ANKRD40: variants seen among roughly 807,000 people sequenced by gnomAD.
ANKRD40 encodes ankyrin repeat domain-containing protein 40.
In ANKRD40, 24 loss-of-function variants were observed where a neutral mutation model predicts 35.5. That is an observed-to-expected ratio of 0.68 (90% CI 0.49 to 0.95). The LOEUF (loss-of-function observed/expected upper bound fraction) is 0.95. Among genes scored for constraint, ANKRD40 ranks in the 40% least tolerant of loss-of-function variants. ANKRD40 has a pLI of 0.00. For missense variants in ANKRD40, 361 were observed against 436.0 expected, an observed-to-expected ratio of 0.83 and a Z score of 1.53; for synonymous variants, 147 against 173.5, an observed-to-expected ratio of 0.85 and a Z score of 1.20.
At chr17:50,702,571 C>T (rs1968284546) in intron 1 of ANKRD40, among the ~76,000 whole-genome samples, 1 of 152,118 alleles carries the variant, frequency 6.6e-6, no homozygotes, top group African/African-American at 2.4e-5. Flanking sequence ...TAAGTGAGCC[C>T]TCAAAAATGA....
Position 50,697,032 on chromosome 17 carries a change from G to T in ANKRD40, c.868C>A (p.Gln290Lys), listed in dbSNP as rs747530576. The change falls in exon 4 of 5, where the codon CAA (glutamine) becomes AAA (lysine). Residue 290 changes from glutamine to lysine, a missense_variant. Physicochemically the swap from Gln to Lys is moderately conservative, Grantham distance 53 (BLOSUM62 1). This residue lies in a region of ANKRD40 where 93 missense variants were observed against 129.6 expected (regional missense o/e 0.72). Transcript: ENST00000285243. ...IELDRQELTY[Q>K]ELLRVCCCEL... Reference sequence around the variant, plus strand: ...CAGCAACACACTCTGAGCAACTCTTGGTAGGTGAGCTCCTGTCGGTCCAGT... The same window carrying T: ...CAGCAACACACTCTGAGCAACTCTTTGTAGGTGAGCTCCTGTCGGTCCAGT... 8.9e-5 allele frequency: 143 copies of T among 1,613,978 alleles called. No homozygotes were observed. The highest frequency in any genetic ancestry group is 1.2e-4 in the Non-Finnish European group (137 of 1,180,010).
At chr17:50,696,885 G>A in intron 4 of ANKRD40, 55 bp downstream of exon 4, 5 of 1,484,476 alleles carry the variant, frequency 3.4e-6, no homozygotes, top group Non-Finnish European at 1.8e-6. Flanking sequence ...CCAAGGAGGG[G>A]GCTAGGTATT....
At position 50,704,230 on chromosome 17, in the gene ANKRD40, A is replaced by G. The variant is rs1220050129; in HGVS notation, c.134+3291T>C. Among the ~76,000 whole-genome samples the G allele has an allele frequency of 3.9e-5, 6 of 152,156 alleles. No homozygotes were observed. In the East Asian group the frequency reaches 1.2e-3, roughly 30 times the overall value. On this transcript the variant is annotated intron_variant, in intron 1 of 4. Coordinates refer to ENST00000285243, the MANE Select transcript of ANKRD40 (RefSeq NM_052855.4). ...GACAGTTCCTCCAATTAAATCTACA[A>G]GAGGCCGGGCGCGGTGGCTCACGCC...
At chr17:50,700,117 A>T (rs1049325694) in intron 2 of ANKRD40, among the ~76,000 whole-genome samples, 20 of 152,210 alleles carry the variant, frequency 1.3e-4, no homozygotes, top group Admixed American at 1.1e-3. Context: ...AACAATCTGG[A>T]ATTACTATCT....
chr17:50,700,671 G>T lies in ANKRD40; in HGVS notation c.180C>A (p.Val60=). Residue 60 remains valine (V), a synonymous_variant, in exon 2 of 5, where the codon GTC becomes GTA. Coordinates refer to ENST00000285243, the MANE Select transcript of ANKRD40 (RefSeq NM_052855.4). ...CAGCTCCTGATTTTAACAGGTAAGA[G>T]ACCACCTGACCATGGTTTCGTTTAC... is the stretch of plus-strand genomic sequence containing the variant. The part of the protein sequence containing the change: ...WACKRNHGQV[V]SYLLKSGADK... The T allele has an allele frequency of 6.2e-7, 1 of 1,614,012 alleles. No individual in the cohort carries two copies.
In ANKRD40 at chr17:50,695,721, C is replaced by G; in HGVS notation, c.*276G>C. ...TCTTACATTCTGGACATAAAACACA[C>G]TGGATATAGAACCTTCAGCTTCTGC... On this transcript the variant is annotated 3_prime_UTR_variant, in exon 5 of 5. Transcript: ENST00000285243. 3.2e-6 allele frequency: 1 copy of G among 308,282 alleles called. No homozygotes were observed. 19.1% of individuals were successfully genotyped at this position (308,282 alleles called of 1,614,324 possible).
chr17:50,707,603 C>A lies in ANKRD40; in HGVS notation c.52G>T (p.Ala18Ser). 6.2e-7 allele frequency: 1 copy of A among 1,603,714 alleles called. No individual in the cohort carries two copies. Among genetic ancestry groups the A allele is most frequent in the Non-Finnish European group, 8.5e-7 (1 of 1,175,314 alleles). Residue 18 changes from alanine (A) to serine (S), a missense_variant, in exon 1 of 5, where the codon GCG becomes TCG. Physicochemically the swap from Ala to Ser is moderately conservative, Grantham distance 99. Coordinates refer to ENST00000285243, the MANE Select transcript of ANKRD40 (RefSeq NM_052855.4). This position sits in a 1 kb window ranked among gnomAD's most constrained non-coding sequence, Gnocchi z 4.8. ...KEQQERLREA[A>S]ALGDIREVQK... ...ACCTCCCGAATGTCCCCTAAGGCCG[C>A]GGCCTCCCGCAGCCTCTCCTGCTGC...
chr17:50,696,030 GC>G lies in ANKRD40; in HGVS notation c.1073del (p.Cys358SerfsTer9), dbSNP rs773485861. On this transcript the variant is annotated frameshift_variant, in exon 5 of 5. Transcript: ENST00000285243. LOFTEE classifies it high-confidence loss of function. ...TCAGTTTTGAAGCTCTCCTGTTATA[GC>G]AAGGCCTTTCAGTCAGTGTGGATGC... Reference protein sequence around the residue: ...NAASTLTERPCYNRRASKLTY With the variant: ...NAASTLTERPXYNRRASKLTY The G allele has an allele frequency of 4.3e-6, 7 of 1,614,028 alleles. No homozygotes were observed. The highest frequency in any genetic ancestry group is 1.3e-5 in the African/African-American group (1 of 74,908).
rs1968246422 is a variant in ANKRD40, at chr17:50,699,752, T to C, written c.425A>G (p.Gln142Arg). ...IYTPTAEDSAQMQNGGPSTPP... is the reference protein window; with the variant it reads ...IYTPTAEDSARMQNGGPSTPP... ...TGTGGAGGGGCCCCCATTCTGCATC[T>C]GGGCTGAATCCTCTGCTGTGGGTGT... is the stretch of plus-strand genomic sequence containing the variant. The change falls in exon 3 of 5, where the codon CAG (glutamine) becomes CGG (arginine). Residue 142 changes from glutamine (Q) to arginine (R), a missense_variant. By Grantham distance (43) the Gln-to-Arg change is conservative (BLOSUM62 1). Transcript: ENST00000285243. 1 of 1,611,334 alleles carries C rather than the reference T, an allele frequency of 6.2e-7. No homozygotes were observed. The highest frequency in any genetic ancestry group is 1.3e-5 in the African/African-American group (1 of 74,902).
chr17:50,698,711 C>T (rs780682260), intron 3 of ANKRD40, among the ~76,000 whole-genome samples: 7 of 152,036 alleles, frequency 4.6e-5, no homozygotes, highest in South Asian at 2.1e-4. Flanking sequence ...ACAGACAGTA[C>T]GTATAGTAGA....
In ANKRD40 at chr17:50,707,475, TCCGACCGGCTGCC is replaced by T; in HGVS notation, c.134+33_134+45del. 1 of 1,581,644 alleles carries T rather than the reference TCCGACCGGCTGCC, an allele frequency of 6.3e-7. No individual in the cohort carries two copies. The highest frequency in any genetic ancestry group is 1.1e-5 in the South Asian group (1 of 89,180). On this transcript the variant is annotated intron_variant, in intron 1 of 4. Transcript: ENST00000285243. The surrounding 1 kb of genome is among the most constrained non-coding windows in gnomAD (Gnocchi z 4.8). Reference sequence around the variant, plus strand: ...GGTCGCGACTGACTGCCCCACGCCTTCCGACCGGCTGCCCTGACCCTAGGCCTCCCCCGCTCCC... The same window carrying T: ...GGTCGCGACTGACTGCCCCACGCCTTCTGACCCTAGGCCTCCCCCGCTCCC...
intron 2 of ANKRD40, 160 bp downstream of exon 2, chr17:50,700,408 A>C (rs1968256515): frequency 1.4e-6 from 1 of 737,454 alleles, no homozygotes; most frequent in Non-Finnish European, 2.1e-6. Flanking sequence ...ACGCCACTGC[A>C]CTCCAGCCTG....
At chr17:50,702,462 G>A (rs1407884394) in intron 1 of ANKRD40, among the ~76,000 whole-genome samples, 1 of 152,000 alleles carries the variant, frequency 6.6e-6, no homozygotes, top group Non-Finnish European at 1.5e-5. Flanking sequence ...TGAAGTAGAA[G>A]GATCCAATCT....
At chr17:50,699,993 G>C (rs1442934662) in intron 2 of ANKRD40, 100 bp from the exon 3 acceptor site, 3 of 1,168,030 alleles carry the variant, frequency 2.6e-6, no homozygotes, top group Admixed American at 6.8e-5. Context: ...ACATTGGTCA[G>C]TGTCAGGTCA....
chr17:50,696,240 C>A, intron 4 of ANKRD40, 97 bp from the exon 5 acceptor site: 2 of 1,346,292 alleles, frequency 1.5e-6, no homozygotes, highest in Non-Finnish European at 9.9e-7. Flanking sequence ...TATTTCAAAA[C>A]CTAGAAGAAA....
At chr17:50,705,490 C>G (rs1362026425) in intron 1 of ANKRD40, among the ~76,000 whole-genome samples, 2 of 150,734 alleles carry the variant, frequency 1.3e-5, no homozygotes, top group East Asian at 3.9e-4. Flanking sequence ...GCTGTCCAGG[C>G]TGTTTTCTTT....
In ANKRD40 at chr17:50,695,239, A is replaced by C. The variant is rs1968184919; in HGVS notation, c.*758T>G. The C allele has an allele frequency of 6.6e-6, 1 of 152,368 alleles. No individual in the cohort carries two copies. The highest frequency in any genetic ancestry group is 2.1e-4 in the South Asian group (1 of 4,836). 9.4% of individuals were successfully genotyped at this position (152,368 alleles called of 1,614,324 possible). A position where few individuals can be genotyped will look rare whatever the true frequency, so the allele number is the denominator to read the frequency against. On this transcript the variant is annotated 3_prime_UTR_variant, in exon 5 of 5. Coordinates refer to ENST00000285243, the MANE Select transcript of ANKRD40 (RefSeq NM_052855.4). ...GTGGGGGTGGGGGGCATTGTAAAAA[A>C]GCAGTTGTTCTTTTAGAAGGCATCA...
At chr17:50,706,357 T>C (rs186502638) in intron 1 of ANKRD40, among the ~76,000 whole-genome samples, 1 of 152,204 alleles carries the variant, frequency 6.6e-6, no homozygotes, top group Admixed American at 6.5e-5. Context: ...CCTGACCTCG[T>C]GATCCGCCCA....
At position 50,699,419 on chromosome 17, in the gene ANKRD40, G is replaced by T. The variant is rs1968237777; in HGVS notation, c.758C>A (p.Ala253Glu). The T allele has an allele frequency of 1.2e-6, 2 of 1,613,990 alleles. No homozygotes were observed. Among genetic ancestry groups the T allele is most frequent in the Non-Finnish European group, 1.7e-6 (2 of 1,179,874 alleles). The change falls in exon 3 of 5, where the codon GCA becomes GAA. Residue 253 changes from alanine (A) to glutamate (E), a missense_variant. This residue lies in a region of ANKRD40 where 93 missense variants were observed against 129.6 expected (regional missense o/e 0.72). Transcript: ENST00000285243. ...GTTACCTTGCATATTAAATGGAAAT[G>T]CTCCAGTGAAGAAAAATGGCTGGAA... ...PAFQPFFFTG[A>E]FPFNMQELVL...
Sources: allele counts gnomAD v4.1 joint callset (sites outside exome capture counted in the v4.1 genomes callset), GRCh38; gene constraint gnomAD v4.1.1; regional missense constraint gnomAD v4.1.1; non-coding constraint Gnocchi (gnomAD v3.1); transcripts MANE v1.5; gene names NCBI Gene and HGNC (gene_info 2026-07-23, HGNC 2026-07-21).